The following C1orf21 variants were observed in gnomAD, a reference collection of about 807,000 sequenced individuals.
C1orf21 encodes chromosome 1 open reading frame 21, also known as uncharacterized protein C1orf21.
A neutral mutation model predicts 18.7 loss-of-function variants in C1orf21; 3 were observed. That is an observed-to-expected ratio of 0.16 (90% CI 0.07 to 0.42). The LOEUF is 0.42. Ranked by LOEUF, C1orf21 falls within the 10% of genes least tolerant of loss-of-function variation. The pLI is 0.99. For missense variants in C1orf21, 104 were observed against 143.6 expected, an observed-to-expected ratio of 0.72 and a Z score of 1.41; for synonymous variants, 41 against 46.4, an observed-to-expected ratio of 0.88 and a Z score of 0.47.
intron 5 of C1orf21, among the ~76,000 whole-genome samples, chr1:184,603,358 G>C (rs1014851232): frequency 6.6e-6 from 1 of 152,236 alleles, no homozygotes; most frequent in Non-Finnish European, 1.5e-5. Context: ...TCCTGAGGGA[G>C]AGCCATGAGC....
At chr1:184,438,035 G>T (rs1395423735) in intron 1 of C1orf21, among the ~76,000 whole-genome samples, 1 of 152,166 alleles carries the variant, frequency 6.6e-6, no homozygotes, top group Non-Finnish European at 1.5e-5. Flanking sequence ...TGTAAATACA[G>T]ATGAAGCTTT....
At chr1:184,471,435 T>G (rs1166051137) in intron 1 of C1orf21, among the ~76,000 whole-genome samples, 2 of 152,182 alleles carry the variant, frequency 1.3e-5, no homozygotes, top group East Asian at 3.9e-4. Flanking sequence ...ATAAATTGAA[T>G]GTAGGTAAGA....
chr1:184,434,496 G>A (rs1295524841), intron 1 of C1orf21, among the ~76,000 whole-genome samples: 1 of 152,132 alleles, frequency 6.6e-6, no homozygotes, highest in Non-Finnish European at 1.5e-5. Context: ...TATCCTTTAG[G>A]AACTTAGATT....
chr1:184,404,736 G>A (rs1293996007), intron 1 of C1orf21, among the ~76,000 whole-genome samples: 1 of 152,178 alleles, frequency 6.6e-6, no homozygotes, highest in South Asian at 2.1e-4. Context: ...AATAGATTGT[G>A]GCAGTTCTTC....
chr1:184,616,692 G>A (rs1026627330), intron 5 of C1orf21, among the ~76,000 whole-genome samples: 1 of 146,974 alleles, frequency 6.8e-6, no homozygotes, highest in African/African-American at 2.5e-5. Flanking sequence ...GTGTGTGCTT[G>A]TGTGTGCACA....
At chr1:184,608,011 G>A (rs1459135435) in intron 5 of C1orf21, among the ~76,000 whole-genome samples, 1 of 151,984 alleles carries the variant, frequency 6.6e-6, no homozygotes, top group African/African-American at 2.4e-5. Flanking sequence ...TAGTATATTT[G>A]TTATATCGAT....
At chr1:184,449,252 A>G (rs941202996) in intron 1 of C1orf21, among the ~76,000 whole-genome samples, 2 of 125,124 alleles carry the variant, frequency 1.6e-5, no homozygotes, top group Non-Finnish European at 3.1e-5. Context: ...TCCTGTGTCC[A>G]TGTGTTCTCA....
intron 1 of C1orf21, among the ~76,000 whole-genome samples, chr1:184,410,667 T>TA (rs1656335970): frequency 3.1e-5 from 1 of 32,042 alleles, no homozygotes; most frequent in Non-Finnish European, 4.7e-5. Flanking sequence ...ATATATATTT[T>TA]TTTTTTTTTT....
chr1:184,387,748 C>T lies in C1orf21; in HGVS notation c.-125+380C>T, dbSNP rs763329915. 6.6e-6 allele frequency among the ~76,000 whole-genome samples: 1 copy of T among 152,144 alleles called. No homozygotes were observed. The highest frequency in any genetic ancestry group is 2.4e-5 in the African/African-American group (1 of 41,432). On this transcript the variant is annotated intron_variant, in intron 1 of 5. Transcript: ENST00000235307. This position sits in a 1 kb window ranked among gnomAD's most constrained non-coding sequence, Gnocchi z 5.6. Reference sequence around the variant, plus strand: ...CCCTGCCGCCCTCAGCCTTCCTGCTCTCCTCTAGCTTTGCATGTAGCCACC... The same window carrying T: ...CCCTGCCGCCCTCAGCCTTCCTGCTTTCCTCTAGCTTTGCATGTAGCCACC...
chr1:184,487,767 T>G (rs568882604), intron 2 of C1orf21, among the ~76,000 whole-genome samples: 1 of 152,352 alleles, frequency 6.6e-6, no homozygotes, highest in Non-Finnish European at 1.5e-5. Context: ...CTCACTAACA[T>G]GTAGTCTTGG....
chr1:184,572,130 A>G lies in C1orf21; in HGVS notation c.190-18609A>G, dbSNP rs941894769. Among the ~76,000 whole-genome samples, 5 of 152,174 alleles carry G rather than the reference A, an allele frequency of 3.3e-5. No individual in the cohort carries two copies. The East Asian group carries it at 9.6e-4, about 29-fold the overall frequency. On this transcript the variant is annotated intron_variant, in intron 3 of 5. Coordinates refer to ENST00000235307, the MANE Select transcript of C1orf21 (RefSeq NM_030806.4). Reference sequence around the variant, plus strand: ...GGGAGGGGTGCTGTCAATGAGAGCTATTATTTTTGTTGTTATTGTGTTTAT... The same window carrying G: ...GGGAGGGGTGCTGTCAATGAGAGCTGTTATTTTTGTTGTTATTGTGTTTAT...
At chr1:184,467,127 G>A (rs1022447158) in intron 1 of C1orf21, among the ~76,000 whole-genome samples, 8 of 152,248 alleles carry the variant, frequency 5.3e-5, no homozygotes, top group Middle Eastern at 3.4e-3. Flanking sequence ...GTCCATGCAG[G>A]TGACCCAGGA....
At chr1:184,433,674 A>G (rs1350447101) in intron 1 of C1orf21, among the ~76,000 whole-genome samples, 1 of 152,176 alleles carries the variant, frequency 6.6e-6, no homozygotes, top group Non-Finnish European at 1.5e-5. Context: ...AACATATTTT[A>G]TTGTATCCAG....
At chr1:184,551,310 T>G (rs1005920145) in intron 3 of C1orf21, among the ~76,000 whole-genome samples, 2 of 152,198 alleles carry the variant, frequency 1.3e-5, no homozygotes, top group Non-Finnish European at 2.9e-5. Context: ...GGGAAGTATT[T>G]TTAAATATAA....
At chr1:184,469,892 G>A (rs1047948955) in intron 1 of C1orf21, among the ~76,000 whole-genome samples, 5 of 152,124 alleles carry the variant, frequency 3.3e-5, no homozygotes, top group African/African-American at 7.2e-5. Context: ...TGATCTGTTA[G>A]CCCTGGCTGG....
At chr1:184,583,026 G>A (rs1179916474) in intron 3 of C1orf21, among the ~76,000 whole-genome samples, 1 of 151,982 alleles carries the variant, frequency 6.6e-6, no homozygotes, top group East Asian at 1.9e-4. Context: ...TTTAGTAGAG[G>A]AGGGATTTCA....
intron 1 of C1orf21, among the ~76,000 whole-genome samples, chr1:184,426,896 T>G (rs1656645338): frequency 6.6e-6 from 1 of 152,262 alleles, no homozygotes; most frequent in Non-Finnish European, 1.5e-5. Flanking sequence ...TTCTTCAACC[T>G]ACGTTTATTG....
rs538008569 is a variant in C1orf21 at position 184,437,068 on chromosome 1, T to C, written c.-124-40318T>C. ...CCATGGTAGAGAAAAGGAGACTAGA[T>C]GAAAGAGAGCCTGTGGGATGGGGTG... On this transcript the variant is annotated intron_variant, in intron 1 of 5. Transcript: ENST00000235307. 1.1e-4 allele frequency among the ~76,000 whole-genome samples: 16 copies of C among 152,244 alleles called. No individual in the cohort carries two copies. In the South Asian group the frequency reaches 3.1e-3, roughly 30 times the overall value.
At chr1:184,562,266 A>C (rs1279489188) in intron 3 of C1orf21, among the ~76,000 whole-genome samples, 1 of 152,222 alleles carries the variant, frequency 6.6e-6, no homozygotes, top group Non-Finnish European at 1.5e-5. Flanking sequence ...GAAAAAAATT[A>C]TATTTGACTT....
Sources: allele counts gnomAD v4.1 joint callset (sites outside exome capture counted in the v4.1 genomes callset), GRCh38; gene constraint gnomAD v4.1.1; non-coding constraint Gnocchi (gnomAD v3.1); transcripts MANE v1.5; gene names NCBI Gene and HGNC (gene_info 2026-07-23, HGNC 2026-07-21).